GDPD5: variants seen among roughly 807,000 people sequenced by gnomAD.
GDPD5 encodes glycerophosphodiester phosphodiesterase domain containing 5.
Under a neutral mutation model 75.1 loss-of-function variants are expected in GDPD5, and 48 were observed. That is an observed-to-expected ratio of 0.64 (90% CI 0.51 to 0.81). GDPD5 has a LOEUF of 0.81. Among genes scored for constraint, GDPD5 ranks in the 40% least tolerant of loss-of-function variants. GDPD5 has a pLI of 0.00. For missense variants in GDPD5, 706 were observed against 822.6 expected, an observed-to-expected ratio of 0.86 and a Z score of 1.73; for synonymous variants, 336 against 339.0, an observed-to-expected ratio of 0.99 and a Z score of 0.10.
Position 75,522,034 on chromosome 11 carries a change from G to C in GDPD5, c.-145+3176C>G, listed in dbSNP as rs377373949. ...ACATTCAAGGCCCTCTCCTATATGG[G>C]CATTCACCCCTCACTAACCCCACCA... On this transcript the variant is annotated intron_variant, in intron 1 of 16. Coordinates refer to ENST00000336898, the MANE Select transcript of GDPD5 (RefSeq NM_030792.8). 3.3e-5 allele frequency among the ~76,000 whole-genome samples: 5 copies of C among 151,818 alleles called. No homozygotes were observed. The South Asian group carries it at 1.0e-3, about 32-fold the overall frequency.
At chr11:75,508,540 GT>G (rs1474757212) in intron 1 of GDPD5, 1 of 152,276 alleles carries the variant, frequency 6.6e-6, no homozygotes, top group Non-Finnish European at 1.5e-5. Flanking sequence ...GAAGCCAGGT[GT>G]GTTCCTGCTT....
Position 75,448,985 on chromosome 11 carries a change from C to T in GDPD5, c.706G>A (p.Ala236Thr), listed in dbSNP as rs1361718254. ...PKPALIGHRG[A>T]PMLAPEHTLM... ...CCTGAGGTGGCACTCACCATGGGGG[C>T]CCCGCGGTGGCCAATGAGAGCAGGC... The change falls in exon 9 of 17, where the codon GCC becomes ACC. Residue 236 changes from alanine to threonine, a missense_variant. By Grantham distance (58) the Ala-to-Thr change is moderately conservative. Coordinates refer to ENST00000336898, the MANE Select transcript of GDPD5 (RefSeq NM_030792.8). 1.9e-6 allele frequency: 3 copies of T among 1,574,984 alleles called. No individual in the cohort carries two copies. The highest frequency in any genetic ancestry group is 1.8e-4 in the Middle Eastern group (1 of 5,714).
chr11:75,523,993 C>T (rs1214626791), intron 1 of GDPD5, among the ~76,000 whole-genome samples: 2 of 152,232 alleles, frequency 1.3e-5, no homozygotes, highest in Non-Finnish European at 2.9e-5. Flanking sequence ...ATCCCCTCCC[C>T]GTCCCCACAC....
intron 16 of GDPD5, among the ~76,000 whole-genome samples, chr11:75,436,524 T>G (rs1948630213): frequency 7.6e-6 from 1 of 130,842 alleles, no homozygotes; most frequent in Non-Finnish European, 1.6e-5. Flanking sequence ...CTGCCACTGT[T>G]TATATACGTA....
intron 1 of GDPD5, chr11:75,508,050 TC>T (rs906369161): frequency 6.6e-6 from 1 of 151,948 alleles, no homozygotes; most frequent in Non-Finnish European, 1.5e-5. Flanking sequence ...ACTTGTTCCC[TC>T]CATTTTATAG....
intron 3 of GDPD5, 73 bp downstream of exon 3, chr11:75,477,546 A>G: frequency 1.1e-6 from 1 of 936,288 alleles, no homozygotes; most frequent in South Asian, 1.9e-5. Flanking sequence ...GACAGAGCTA[A>G]GACCCCTCCC....
intron 12 of GDPD5, 81 bp downstream of exon 12, chr11:75,442,282 G>C (rs1041500785): frequency 3.8e-6 from 4 of 1,063,706 alleles, no homozygotes; most frequent in South Asian, 1.5e-5. Flanking sequence ...AGTCCGGAGT[G>C]CAACAGGGAA....
intron 6 of GDPD5, chr11:75,456,514 TCCC>T: frequency 1.8e-6 from 1 of 562,158 alleles, no homozygotes; most frequent in Middle Eastern, 3.2e-4. Context: ...TACTTCAGTT[TCCC>T]CAACCACAAA....
intron 4 of GDPD5, among the ~76,000 whole-genome samples, chr11:75,462,094 T>C (rs761098162): frequency 5.3e-5 from 8 of 151,834 alleles, no homozygotes; most frequent in Non-Finnish European, 1.2e-4. Flanking sequence ...CTAAGGGAGT[T>C]AGGAGGCCTA....
At chr11:75,485,970 G>A (rs992343754) in intron 2 of GDPD5, among the ~76,000 whole-genome samples, 5 of 152,164 alleles carry the variant, frequency 3.3e-5, no homozygotes, top group East Asian at 1.9e-4. Context: ...CTGCCCTCGC[G>A]GGGCCTCAAC....
chr11:75,473,929 C>T (rs1374421103), intron 3 of GDPD5, among the ~76,000 whole-genome samples: 1 of 152,160 alleles, frequency 6.6e-6, no homozygotes, highest in Non-Finnish European at 1.5e-5. Flanking sequence ...GTCTGTTCCC[C>T]CACAAGCCTG....
At chr11:75,437,345 G>A in intron 15 of GDPD5, 1 of 397,250 alleles carries the variant, frequency 2.5e-6, no homozygotes, top group Non-Finnish European at 4.6e-6. Flanking sequence ...AATGCACCTG[G>A]CTCTCTTTGA....
At chr11:75,489,553 T>C (rs973450465) in intron 2 of GDPD5, among the ~76,000 whole-genome samples, 2 of 152,244 alleles carry the variant, frequency 1.3e-5, no homozygotes, top group African/African-American at 4.8e-5. Context: ...AATCCACTAT[T>C]TGTCATTCAT....
At chr11:75,498,970 G>C (rs115882629) in intron 1 of GDPD5, among the ~76,000 whole-genome samples, 2,389 of 152,224 alleles carry the variant, frequency 0.016, 55 homozygotes, top group African/African-American at 0.053. Flanking sequence ...TATGGAGCTT[G>C]GCTGGAAATA....
Position 75,456,809 on chromosome 11 carries a change from G to A in GDPD5, c.323C>T (p.Ala108Val). ...FAYIAGLLVL[A>V]LCHIAVGQQM... The stretch of plus-strand genomic sequence containing the variant: ...CTGCCCCACGGCAATGTGACATAGT[G>A]CCAGGACCTGAGGAGGGACCCACAG... The change falls in exon 6 of 17, where the codon GCA (alanine) becomes GTA (valine). Residue 108 changes from alanine (A) to valine (V), a missense_variant. Coordinates refer to ENST00000336898, the MANE Select transcript of GDPD5 (RefSeq NM_030792.8). The A allele has an allele frequency of 1.2e-6, 2 of 1,614,234 alleles. No homozygotes were observed. The highest frequency in any genetic ancestry group is 1.7e-6 in the Non-Finnish European group (2 of 1,180,018).
rs914843488 is a variant in GDPD5 at position 75,443,252 on chromosome 11, TG to T, written c.831del (p.Thr278ProfsTer38). On this transcript the variant is annotated frameshift_variant, in exon 11 of 17. Transcript: ENST00000336898. LOFTEE classifies it high-confidence loss of function. ...LDGVPFLMHDTTLRRTTNVEE... is the reference protein window; with the variant it reads ...LDGVPFLMHDXTLRRTTNVEE... ...TCCACGTTGGTGGTGCGCCGCAGGG[TG>T]GTGTCATGCATGAGGAAGGGCACGC... is the stretch of plus-strand genomic sequence containing the variant. 1.9e-6 allele frequency: 3 copies of T among 1,609,674 alleles called. No homozygotes were observed. The African/African-American group carries it at 4.0e-5, about 22-fold the overall frequency.
chr11:75,443,309 G>A (rs1051003733), intron 10 of GDPD5, 23 bp from the exon 11 acceptor site: 21 of 1,590,970 alleles, frequency 1.3e-5, no homozygotes, highest in African/African-American at 2.7e-5. Context: ...TGGGGCCACC[G>A]AGTCAGTGAC....
Position 75,441,248 on chromosome 11 carries a change from G to A in GDPD5, c.1388C>T (p.Ser463Phe), listed in dbSNP as rs1948791109. The A allele has an allele frequency of 6.2e-7, 1 of 1,614,050 alleles. No homozygotes were observed. Among genetic ancestry groups the A allele is most frequent in the Non-Finnish European group, 8.5e-7 (1 of 1,180,010 alleles). ...TGGGACCCCCGCACACCACAGCAGGGAGAAGAGCCACGGTGCGTTGACTGT... is the reference window on the plus strand; with the variant it reads ...TGGGACCCCCGCACACCACAGCAGGAAGAAGAGCCACGGTGCGTTGACTGT... ...LYTVNAPWLF[S>F]LLWCAGVPSV... The change falls in exon 14 of 17, where the codon TCC (serine) becomes TTC (phenylalanine). Residue 463 changes from serine to phenylalanine, a missense_variant. Coordinates refer to ENST00000336898, the MANE Select transcript of GDPD5 (RefSeq NM_030792.8).
chr11:75,466,877 G>GA (rs1949528641), intron 3 of GDPD5, among the ~76,000 whole-genome samples: 1 of 152,102 alleles, frequency 6.6e-6, no homozygotes, highest in Admixed American at 6.5e-5. Context: ...GATAAGATTT[G>GA]AACCCAGGCA....
Sources: gnomAD v4.1 joint callset for allele counts (sites outside exome capture counted in the v4.1 genomes callset) on GRCh38, gnomAD v4.1.1 for gene constraint, MANE v1.5 for transcripts, NCBI Gene and HGNC (gene_info 2026-07-23, HGNC 2026-07-21) for gene names.